Variants in JAK1 observed in about 807,000 individuals in gnomAD.
The protein encoded by JAK1 is Janus kinase 1.
Under a neutral mutation model 136.6 loss-of-function variants are expected in JAK1, and 16 were observed. That is an observed-to-expected ratio of 0.12 (90% CI 0.08 to 0.18). JAK1 has a LOEUF of 0.18. Ranked by LOEUF, JAK1 falls within the 10% of genes least tolerant of loss-of-function variation. The pLI, the probability that JAK1 is intolerant of heterozygous loss-of-function variation, is 1.00. For synonymous variants in JAK1, 492 were observed against 519.5 expected, an observed-to-expected ratio of 0.95 and a Z score of 0.72; for missense variants, 859 against 1,450.1, an observed-to-expected ratio of 0.59 and a Z score of 6.62.
intron 11 of JAK1, among the ~76,000 whole-genome samples, chr1:64,851,230 T>C (rs924060709): frequency 6.6e-6 from 1 of 152,206 alleles, no homozygotes; most frequent in African/African-American, 2.4e-5. Context: ...GTTTCCCTAA[T>C]GAAATTAAAA....
chr1:65,017,841 TCTCA>T (rs918367998), intron 2 of JAK1, among the ~76,000 whole-genome samples: 1 of 151,884 alleles, frequency 6.6e-6, no homozygotes, highest in African/African-American at 2.4e-5. Flanking sequence ...TTTGACAGAT[TCTCA>T]CTCTTGTCGC....
intron 1 of JAK1, among the ~76,000 whole-genome samples, chr1:64,950,863 C>T (rs1646072837): frequency 6.6e-6 from 1 of 152,198 alleles, no homozygotes; most frequent in Admixed American, 6.5e-5. Flanking sequence ...AAAAAACAAT[C>T]CCTAAAGTGG....
Position 64,896,299 on chromosome 1 carries a change from A to T in JAK1, c.-77-9958T>A, listed in dbSNP as rs1645012580. ...CTTGAATTTAGCCAAACTGGCATCC[A>T]TTTCAAAGTATCAAACTATTTAGTG... On this transcript the variant is annotated intron_variant, in intron 1 of 24. Transcript: ENST00000342505. Among the ~76,000 whole-genome samples the T allele has an allele frequency of 2.0e-5, 3 of 152,220 alleles. No homozygotes were observed. The South Asian group carries it at 6.2e-4, about 32-fold the overall frequency.
chr1:64,840,604 T>G (rs1654832001), intron 19 of JAK1, among the ~76,000 whole-genome samples: 1 of 152,118 alleles, frequency 6.6e-6, no homozygotes, highest in Non-Finnish European at 1.5e-5. Flanking sequence ...TTGGGAGGCC[T>G]CCTTGCTTGA....
intron 2 of JAK1, among the ~76,000 whole-genome samples, chr1:65,018,528 G>A (rs1487445123): frequency 2.7e-5 from 4 of 148,820 alleles, no homozygotes; most frequent in Admixed American, 1.4e-4. Flanking sequence ...GCTATCAGGA[G>A]TGAAAAAGGG....
intron 2 of JAK1, among the ~76,000 whole-genome samples, chr1:65,020,547 TAA>T (rs1557761440): frequency 6.6e-6 from 1 of 152,244 alleles, no homozygotes; most frequent in Non-Finnish European, 1.5e-5. Flanking sequence ...GTTCATTTTA[TAA>T]TCATTCAAAC....
intron 2 of JAK1, among the ~76,000 whole-genome samples, chr1:64,971,937 T>C (rs1646456286): frequency 6.6e-6 from 1 of 152,258 alleles, no homozygotes; most frequent in Non-Finnish European, 1.5e-5. Context: ...GTTCTCCATT[T>C]TCTTGTACTC....
chr1:64,943,275 G>C (rs1304138279), intron 1 of JAK1, among the ~76,000 whole-genome samples: 1 of 152,110 alleles, frequency 6.6e-6, no homozygotes, highest in Non-Finnish European at 1.5e-5. Context: ...CACCCTGATT[G>C]GTGGTCAGGT....
intron 2 of JAK1, among the ~76,000 whole-genome samples, chr1:65,024,841 G>T (rs1646964934): frequency 6.6e-6 from 1 of 152,072 alleles, no homozygotes. Context: ...GCCAGTCGTG[G>T]TGGCAGGCAC....
At chr1:64,909,276 T>G (rs1352125187) in intron 1 of JAK1, among the ~76,000 whole-genome samples, 1 of 152,158 alleles carries the variant, frequency 6.6e-6, no homozygotes, top group Non-Finnish European at 1.5e-5. Flanking sequence ...AGCTGGCACG[T>G]GCACCCCATC....
intron 20 of JAK1, chr1:64,839,400 A>AG (rs55724109): frequency 0.11 from 48,969 of 445,616 alleles, 2,977 homozygotes; most frequent in Middle Eastern, 0.13. Context: ...CCCTGGATGG[A>AG]GGGGCCTGGG....
At chr1:64,873,703 G>A (rs1657218891) in intron 4 of JAK1, among the ~76,000 whole-genome samples, 180 bp from the exon 5 acceptor site, 1 of 152,154 alleles carries the variant, frequency 6.6e-6, no homozygotes, top group Non-Finnish European at 1.5e-5. Context: ...TGCGTGAGAA[G>A]TGTCCCATCA....
At chr1:64,866,379 A>G (rs1365652224) in intron 7 of JAK1, among the ~76,000 whole-genome samples, 1 of 152,226 alleles carries the variant, frequency 6.6e-6, no homozygotes, top group Non-Finnish European at 1.5e-5. Flanking sequence ...GCTCCCATAA[A>G]GCAAAATCAA....
rs760172249 is a variant in JAK1, at chr1:64,860,209, A to G, written c.1230T>C (p.Asp410=). The change falls in exon 9 of 25, where the codon GAT becomes GAC. Residue 410 remains aspartate, a synonymous_variant. Coordinates refer to ENST00000342505, the MANE Select transcript of JAK1 (RefSeq NM_002227.4). ...CATCTGCTGTGAGCCGGAAGTAGCC[A>G]TCTACCAGGGACACAAAGGACAAGG... The part of the protein sequence containing the change: ...EEALSFVSLV[D]GYFRLTADAH... The G allele has an allele frequency of 1.9e-6, 3 of 1,611,950 alleles. No homozygotes were observed. Among genetic ancestry groups the G allele is most frequent in the Non-Finnish European group, 1.7e-6 (2 of 1,178,418 alleles).
chr1:64,845,709 G>A (rs1479327312), intron 14 of JAK1, 69 bp from the exon 15 acceptor site: 102 of 1,586,654 alleles, frequency 6.4e-5, no homozygotes, highest in South Asian at 4.9e-4. Flanking sequence ...ATCCCCTTAC[G>A]ACAGTCCACT....
intron 2 of JAK1, chr1:64,994,988 C>T (rs1287481686): frequency 6.9e-6 from 1 of 145,658 alleles, no homozygotes; most frequent in Admixed American, 6.8e-5. Context: ...AAAACCTACC[C>T]AGAATCCAGC....
chr1:64,841,755 T>C (rs76865550), intron 17 of JAK1, among the ~76,000 whole-genome samples, 154 bp from the exon 18 acceptor site: 3,279 of 152,284 alleles, frequency 0.022, 133 homozygotes, highest in African/African-American at 0.076. Context: ...GCCTTATTCT[T>C]GCAAGGGGAA....
intron 1 of JAK1, among the ~76,000 whole-genome samples, chr1:64,930,628 C>A (rs1645673122): frequency 6.6e-6 from 1 of 151,182 alleles, no homozygotes. Flanking sequence ...TACCATTTGA[C>A]CCAGCAATCC....
At chr1:65,058,145 T>G (rs551805707) in intron 1 of JAK1, among the ~76,000 whole-genome samples, 1 of 152,248 alleles carries the variant, frequency 6.6e-6, no homozygotes, top group Non-Finnish European at 1.5e-5. Flanking sequence ...CGAAGTTCTC[T>G]GAATACCATT....
Sources: allele counts gnomAD v4.1 joint callset (sites outside exome capture counted in the v4.1 genomes callset), GRCh38; gene constraint gnomAD v4.1.1; transcripts MANE v1.5; gene names NCBI Gene and HGNC (gene_info 2026-07-23, HGNC 2026-07-21).